Variants in NEBL observed in about 807,000 individuals in gnomAD.
NEBL encodes the protein LIM and SH3 protein 2.
Under a neutral mutation model 140.2 loss-of-function variants are expected in NEBL, and 122 were observed. The ratio of observed to expected loss-of-function variants is 0.87; its 90% CI spans 0.75 to 1.01. NEBL has a LOEUF of 1.01. Ranked by LOEUF, NEBL falls within the 50% of genes least tolerant of loss-of-function variation. The probability of loss-of-function intolerance (pLI) is 0.00; values close to 1 mark genes in which losing one functional copy is unlikely to be tolerated. For synonymous variants in NEBL, 436 were observed against 398.9 expected, an observed-to-expected ratio of 1.09 and a Z score of -1.11; for missense variants, 1,365 against 1,231.3, an observed-to-expected ratio of 1.11 and a Z score of -1.62.
At chr10:21,058,031 G>A (rs535118012) in intron 2 of NEBL, among the ~76,000 whole-genome samples, 28 of 152,174 alleles carry the variant, frequency 1.8e-4, no homozygotes, top group African/African-American at 6.5e-4. Flanking sequence ...TTGAAAACAG[G>A]GCAAATTTCA....
At chr10:21,111,987 A>T (rs1279184719) in intron 2 of NEBL, among the ~76,000 whole-genome samples, 2 of 152,246 alleles carry the variant, frequency 1.3e-5, no homozygotes, top group Non-Finnish European at 2.9e-5. Flanking sequence ...ACACATGAAA[A>T]AATGCTCATC....
intron 1 of NEBL, among the ~76,000 whole-genome samples, chr10:21,257,749 G>C (rs1353487483): frequency 1.3e-5 from 2 of 152,098 alleles, no homozygotes; most frequent in Non-Finnish European, 2.9e-5. Context: ...GGTGGGTGTG[G>C]TGGCAGGCAC....
chr10:21,056,842 T>C (rs1438248826), intron 2 of NEBL, among the ~76,000 whole-genome samples: 1 of 152,080 alleles, frequency 6.6e-6, no homozygotes, highest in Non-Finnish European at 1.5e-5. Context: ...AAATTCAGGA[T>C]GGTGGTTCAT....
intron 4 of NEBL, among the ~76,000 whole-genome samples, chr10:20,883,848 C>A (rs539202084): frequency 6.6e-6 from 1 of 152,112 alleles, no homozygotes; most frequent in Non-Finnish European, 1.5e-5. Flanking sequence ...CATTTACAGC[C>A]GCTACTAAGT....
chr10:20,892,786 T>G (rs924316965), intron 2 of NEBL, among the ~76,000 whole-genome samples: 3 of 152,192 alleles, frequency 2.0e-5, no homozygotes, highest in Admixed American at 6.5e-5. Flanking sequence ...ATGACAGACA[T>G]GGAGATGTTT....
chr10:20,808,500 T>A lies in NEBL; in HGVS notation c.2761+10A>T, dbSNP rs1471741265. 1.9e-6 allele frequency: 3 copies of A among 1,613,586 alleles called. No individual in the cohort carries two copies. The highest frequency in any genetic ancestry group is 4.5e-5 in the East Asian group (2 of 44,856). ...ATCGATTTTCTTTGTAAGCAGTGAA[T>A]GTTTGATACCTCCTTCATCAGACGG... On this transcript the variant is annotated intron_variant, in intron 26 of 27. Transcript: ENST00000377122.
intron 2 of NEBL, among the ~76,000 whole-genome samples, chr10:21,248,922 T>G (rs1842552727): frequency 6.6e-6 from 1 of 152,188 alleles, no homozygotes; most frequent in Non-Finnish European, 1.5e-5. Flanking sequence ...CCCTAATGAT[T>G]AATGACATTG....
intron 3 of NEBL, among the ~76,000 whole-genome samples, chr10:21,001,335 C>T (rs944018099): frequency 1.1e-4 from 16 of 152,204 alleles, no homozygotes; most frequent in Middle Eastern, 3.4e-3. Context: ...CTGGGAGCCA[C>T]GTAGCAGCTG....
intron 3 of NEBL, among the ~76,000 whole-genome samples, chr10:20,967,536 G>T (rs1404776417): frequency 6.6e-6 from 1 of 152,082 alleles, no homozygotes; most frequent in African/African-American, 2.4e-5. Context: ...GCTGAGGCAG[G>T]AGAATCACTT....
At chr10:20,992,202 T>C (rs146475588) in intron 3 of NEBL, among the ~76,000 whole-genome samples, 2 of 152,374 alleles carry the variant, frequency 1.3e-5, no homozygotes, top group South Asian at 2.1e-4. Flanking sequence ...GGTTTAAAAA[T>C]AGATATTACA....
chr10:21,202,517 G>A (rs2132228255), intron 3 of NEBL, among the ~76,000 whole-genome samples: 1 of 139,408 alleles, frequency 7.2e-6, no homozygotes, highest in African/African-American at 2.7e-5. Context: ...AGGCTGGAGT[G>A]CAGTGGCGTG....
At chr10:20,991,498 A>C (rs750833942) in intron 3 of NEBL, among the ~76,000 whole-genome samples, 1 of 152,192 alleles carries the variant, frequency 6.6e-6, no homozygotes, top group African/African-American at 2.4e-5. Flanking sequence ...GACTGTTTTA[A>C]AGAAAGTGCC....
At chr10:20,894,759 A>G (rs1847310344) in intron 2 of NEBL, among the ~76,000 whole-genome samples, 1 of 149,356 alleles carries the variant, frequency 6.7e-6, no homozygotes, top group Non-Finnish European at 1.5e-5. Flanking sequence ...CTAAAAAAAA[A>G]AAAAAAAAAA....
At chr10:21,251,388 A>G (rs1300742742) in intron 2 of NEBL, among the ~76,000 whole-genome samples, 2 of 152,132 alleles carry the variant, frequency 1.3e-5, no homozygotes, top group Admixed American at 6.6e-5. Context: ...TCAGGTTGTA[A>G]TAGTCTATTT....
At chr10:20,961,834 G>T in intron 3 of NEBL, 1 of 1,358,820 alleles carries the variant, frequency 7.4e-7, no homozygotes, top group Non-Finnish European at 1.0e-6. Flanking sequence ...TCCCACTCGG[G>T]ATAGGCTGGG....
intron 2 of NEBL, among the ~76,000 whole-genome samples, chr10:21,154,460 A>AAAAG (rs1840263093): frequency 6.7e-6 from 1 of 148,632 alleles, no homozygotes; most frequent in African/African-American, 2.4e-5. Context: ...CTCTGCTTCA[A>AAAAG]AAAAAAAAAA....
chr10:21,263,203 G>A (rs1421408540), intron 1 of NEBL, among the ~76,000 whole-genome samples: 4 of 152,154 alleles, frequency 2.6e-5, no homozygotes, highest in Non-Finnish European at 4.4e-5. Flanking sequence ...ACCACTTGAG[G>A]TATTGTAACC....
At chr10:20,842,528 GT>G (rs1368493534) in intron 12 of NEBL, among the ~76,000 whole-genome samples, 1 of 152,016 alleles carries the variant, frequency 6.6e-6, no homozygotes, top group Non-Finnish European at 1.5e-5. Context: ...ATTTAATTAA[GT>G]CACCAAAAGT....
intron 26 of NEBL, 148 bp downstream of exon 26, chr10:20,808,362 A>AG (rs1421340870): frequency 3.7e-6 from 3 of 815,600 alleles, no homozygotes; most frequent in Non-Finnish European, 5.6e-6. Context: ...AAAAAAAAAA[A>AG]GACTATTAAC....
Sources: gnomAD v4.1 joint callset for allele counts (sites outside exome capture counted in the v4.1 genomes callset) on GRCh38, gnomAD v4.1.1 for gene constraint, MANE v1.5 for transcripts, NCBI Gene and HGNC (gene_info 2026-07-23, HGNC 2026-07-21) for gene names.